Variants in STK32C observed in about 807,000 individuals in gnomAD.
STK32C encodes the protein serine/threonine kinase 32C, also known as serine/threonine-protein kinase 32C.
A neutral mutation model predicts 56.5 loss-of-function variants in STK32C; 31 were observed. The ratio of observed to expected loss-of-function variants is 0.55; its 90% CI spans 0.41 to 0.74. The LOEUF is 0.74. Among genes scored for constraint, STK32C ranks in the 30% least tolerant of loss-of-function variants. The pLI is 0.00. For missense variants in STK32C, 544 were observed against 676.9 expected (o/e 0.80, Z 2.18); for synonymous variants, 309 against 289.4 (o/e 1.07, Z -0.69).
intron 2 of STK32C, among the ~76,000 whole-genome samples, chr10:132,237,630 G>A (rs556324608): frequency 6.6e-6 from 1 of 152,368 alleles, no homozygotes; most frequent in East Asian, 1.9e-4. Context: ...GCGAGGCACA[G>A]AGGAACCTGA....
In STK32C at chr10:132,208,960, G is replaced by A. The variant is rs886321500; in HGVS notation, c.1319+74C>T. The A allele has an allele frequency of 5.5e-6, 8 of 1,455,916 alleles. No individual in the cohort carries two copies. In the African/African-American group the frequency reaches 9.8e-5, roughly 18 times the overall value. 90.2% of individuals were successfully genotyped at this position (1,455,916 alleles called of 1,614,324 possible). A position where few individuals can be genotyped will look rare whatever the true frequency, so the allele number is the denominator to read the frequency against. On this transcript the variant is annotated intron_variant, in intron 11 of 11. Transcript: ENST00000298630. Reference sequence around the variant, plus strand: ...AGGCCCACAGGTGCCCGCTCACGTGGCCAAGAAAACCTTAACCTTAGCCCC... The same window carrying A: ...AGGCCCACAGGTGCCCGCTCACGTGACCAAGAAAACCTTAACCTTAGCCCC...
At chr10:132,230,841 T>A (rs974230542) in intron 2 of STK32C, among the ~76,000 whole-genome samples, 14 of 152,186 alleles carry the variant, frequency 9.2e-5, no homozygotes, top group African/African-American at 2.9e-4. Context: ...AGGCTCCCTC[T>A]GCCCCTCCTG....
At chr10:132,224,350 A>G in intron 8 of STK32C, 57 bp downstream of exon 8, 1 of 1,310,596 alleles carries the variant, frequency 7.6e-7, no homozygotes, top group East Asian at 2.5e-5. Flanking sequence ...GCCGCAGGTA[A>G]GTGAGGGAGG....
intron 1 of STK32C, among the ~76,000 whole-genome samples, chr10:132,284,796 C>T (rs2065342822): frequency 6.8e-6 from 1 of 146,944 alleles, no homozygotes; most frequent in South Asian, 2.2e-4. Flanking sequence ...CAGGCATGAA[C>T]CCAGAACACA....
Position 132,207,932 on chromosome 10 carries a change from G to T in STK32C, c.*78C>A. ...AGGCTGGGTGGGAACGTGAATGCCA[G>T]GCCTCGGCCCATGGCCCTCCCTCTG... On this transcript the variant is annotated 3_prime_UTR_variant, in exon 12 of 12. Transcript: ENST00000298630. 8.0e-7 allele frequency: 1 copy of T among 1,249,104 alleles called. No homozygotes were observed. 77.4% of individuals were successfully genotyped at this position (1,249,104 alleles called of 1,614,324 possible).
chr10:132,256,035 G>A (rs115024403), intron 1 of STK32C, among the ~76,000 whole-genome samples: 2,463 of 152,342 alleles, frequency 0.016, 74 homozygotes, highest in African/African-American at 0.055. Context: ...TCTGTCCTCA[G>A]CTGGCACCAC....
chr10:132,304,180 C>G (rs2065991152), intron 1 of STK32C, among the ~76,000 whole-genome samples: 1 of 152,218 alleles, frequency 6.6e-6, no homozygotes, highest in Non-Finnish European at 1.5e-5. Flanking sequence ...AGAAACACCT[C>G]ACAGTCCTGT....
At chr10:132,233,635 CTT>C (rs950577034) in intron 2 of STK32C, among the ~76,000 whole-genome samples, 9 of 152,206 alleles carry the variant, frequency 5.9e-5, no homozygotes, top group Non-Finnish European at 1.2e-4. Flanking sequence ...CACTGAGGCT[CTT>C]GTTCCATCCA....
At chr10:132,321,333 G>GT (rs2066404138), downstream of STK32C, among the ~76,000 whole-genome samples, 1 of 152,206 alleles carries the variant, frequency 6.6e-6, no homozygotes, top group South Asian at 2.1e-4. Context: ...AGAGTAAGAG[G>GT]TAAATGCTTG....
intron 2 of STK32C, among the ~76,000 whole-genome samples, chr10:132,243,293 T>C (rs115494218): frequency 0.061 from 9,330 of 152,048 alleles, 365 homozygotes; most frequent in African/African-American, 0.11. Context: ...GCTGGGGAGG[T>C]GGCGAGCCTC....
intron 1 of STK32C, among the ~76,000 whole-genome samples, chr10:132,286,133 A>C (rs887079302): frequency 5.9e-5 from 9 of 152,190 alleles, no homozygotes; most frequent in African/African-American, 2.2e-4. Context: ...CTCAAAAAAA[A>C]AAAAAGGAAA....
chr10:132,267,093 T>C (rs1361664268), intron 1 of STK32C, among the ~76,000 whole-genome samples: 1 of 152,182 alleles, frequency 6.6e-6, no homozygotes, highest in Non-Finnish European at 1.5e-5. Context: ...TTCCAGCCTG[T>C]CCTCAGGCTT....
chr10:132,234,435 C>A (rs2063205306), intron 2 of STK32C, among the ~76,000 whole-genome samples: 1 of 152,218 alleles, frequency 6.6e-6, no homozygotes, highest in Admixed American at 6.5e-5. Flanking sequence ...GCCCACTTCG[C>A]TTTTTCTGCC....
downstream of STK32C, among the ~76,000 whole-genome samples, chr10:132,319,797 C>G (rs144868800): frequency 6.3e-4 from 95 of 151,980 alleles, no homozygotes; most frequent in African/African-American, 2.2e-3. Context: ...TTCACAATGG[C>G]TTGTAGCCAA....
chr10:132,324,249 T>A (rs749005613), exon 2 of STK32C: 5 of 779,768 alleles, frequency 6.4e-6, no homozygotes, highest in Middle Eastern at 2.3e-4. Flanking sequence ...CACCCCCTCT[T>A]GATGGGCCAC....
intron 1 of STK32C, among the ~76,000 whole-genome samples, chr10:132,261,144 C>T (rs7905139): frequency 2.1e-5 from 2 of 97,506 alleles, no homozygotes; most frequent in African/African-American, 1.0e-4. Context: ...GCTTCCCATG[C>T]GGAGGACTCG....
At chr10:132,277,497 C>A (rs1317258198) in intron 1 of STK32C, among the ~76,000 whole-genome samples, 2 of 152,248 alleles carry the variant, frequency 1.3e-5, no homozygotes, top group African/African-American at 4.8e-5. Context: ...GGCTGCAGTT[C>A]TGTGCCCACC....
intron 11 of STK32C, 109 bp downstream of exon 11, chr10:132,208,925 C>T (rs903256514): frequency 3.0e-6 from 3 of 1,005,170 alleles, no homozygotes; most frequent in African/African-American, 1.6e-5. Flanking sequence ...AGAGCAGGGC[C>T]ACGCACCCCA....
At chr10:132,245,482 G>A (rs1308387012) in intron 2 of STK32C, among the ~76,000 whole-genome samples, 1 of 152,272 alleles carries the variant, frequency 6.6e-6, no homozygotes, top group African/African-American at 2.4e-5. Context: ...CTGGAGGACA[G>A]CAGCAGGGCA....
Sources: allele counts gnomAD v4.1 joint callset (sites outside exome capture counted in the v4.1 genomes callset), GRCh38; gene constraint gnomAD v4.1.1; transcripts MANE v1.5; gene names NCBI Gene and HGNC (gene_info 2026-07-23, HGNC 2026-07-21).